The following IKBKB variants were observed in gnomAD, a reference collection of about 807,000 sequenced individuals.
IKBKB encodes the protein inhibitor of nuclear factor kappa B kinase subunit beta.
IKBKB carries 42 observed loss-of-function variants against 113.6 expected under a neutral mutation model. That is an observed-to-expected ratio of 0.37 (90% CI 0.29 to 0.48). IKBKB has a LOEUF of 0.48. Ranked by LOEUF, IKBKB falls within the 20% of genes least tolerant of loss-of-function variation. The probability of loss-of-function intolerance (pLI) is 0.99; values close to 1 mark genes in which losing one functional copy is unlikely to be tolerated. For synonymous variants in IKBKB, 296 were observed against 361.3 expected, an observed-to-expected ratio of 0.82 and a Z score of 2.05; for missense variants, 673 against 939.7, an observed-to-expected ratio of 0.72 and a Z score of 3.71.
intron 2 of IKBKB, among the ~76,000 whole-genome samples, chr8:42,282,986 AAGTT>A (rs1212196266): frequency 6.6e-6 from 1 of 152,194 alleles, no homozygotes; most frequent in Admixed American, 6.5e-5. Flanking sequence ...TGTGAGTAGA[AAGTT>A]AGTTTTGGTA....
chr8:42,319,679 C>G, intron 15 of IKBKB, 33 bp downstream of exon 15: 1 of 1,534,970 alleles, frequency 6.5e-7, no homozygotes, highest in Non-Finnish European at 8.8e-7. Context: ...CGGAACTTAC[C>G]AAGGGGGTGA....
At chr8:42,318,796 C>A in intron 13 of IKBKB, 121 bp downstream of exon 13, 2 of 985,342 alleles carry the variant, frequency 2.0e-6, no homozygotes, top group Non-Finnish European at 2.9e-6. Context: ...AAAAGGAAGA[C>A]ACTGGTTTGG....
intron 8 of IKBKB, among the ~76,000 whole-genome samples, chr8:42,310,798 G>T (rs1473618896): frequency 6.6e-6 from 1 of 152,132 alleles, no homozygotes; most frequent in Non-Finnish European, 1.5e-5. Flanking sequence ...ACAAAAATAG[G>T]TTACTATAAT....
At chr8:42,318,965 T>C (rs13279412) in intron 13 of IKBKB, 3 of 531,698 alleles carry the variant, frequency 5.6e-6, no homozygotes, top group African/African-American at 1.9e-5. Context: ...CCATGTGGAT[T>C]AGCAAAACTC....
intron 21 of IKBKB, 190 bp from the exon 22 acceptor site, chr8:42,330,724 G>C (rs553873619): frequency 2.9e-6 from 2 of 685,432 alleles, no homozygotes; most frequent in Non-Finnish European, 3.6e-6. Flanking sequence ...TGGCCAGGCT[G>C]GTCTCGAACT....
intron 12 of IKBKB, 21 bp downstream of exon 12, chr8:42,317,792 G>T: frequency 3.3e-6 from 5 of 1,525,818 alleles, no homozygotes; most frequent in Non-Finnish European, 4.5e-6. Context: ...GTTATGTTTT[G>T]TTTTTCTAAA....
At position 42,316,515 on chromosome 8, in the gene IKBKB, T is replaced by G. The variant is rs774915046; in HGVS notation, c.930+176T>G. 1.3e-5 allele frequency among the ~76,000 whole-genome samples: 2 copies of G among 152,234 alleles called. No homozygotes were observed. The highest frequency in any genetic ancestry group is 2.9e-5 in the Non-Finnish European group (2 of 68,040). Reference sequence around the variant, plus strand: ...CAGTTGTGCTAATTGACATTGGCTATGAGGTCATAGCCACAGACAGGATTA... The same window carrying G: ...CAGTTGTGCTAATTGACATTGGCTAGGAGGTCATAGCCACAGACAGGATTA... On this transcript the variant is annotated intron_variant, in intron 10 of 21. Transcript: ENST00000520810. The surrounding 1 kb of genome is among the most constrained non-coding windows in gnomAD (Gnocchi z 4.5).
At chr8:42,294,574 A>G (rs1813326147) in intron 5 of IKBKB, among the ~76,000 whole-genome samples, 1 of 152,192 alleles carries the variant, frequency 6.6e-6, no homozygotes, top group Admixed American at 6.5e-5. Flanking sequence ...GGAAGGGGAA[A>G]AGTCAAGCAA....
intron 12 of IKBKB, 57 bp downstream of exon 12, chr8:42,317,828 G>A (rs1563355805): frequency 1.6e-6 from 2 of 1,266,756 alleles, no homozygotes; most frequent in Non-Finnish European, 2.3e-6. Flanking sequence ...TGTGGGACAA[G>A]GCAGGGAAGG....
chr8:42,322,256 T>C, intron 18 of IKBKB, 91 bp from the exon 19 acceptor site: 1 of 1,579,262 alleles, frequency 6.3e-7, no homozygotes, highest in South Asian at 1.1e-5. Context: ...ATGAAGAGAG[T>C]TTCTGCAGCT....
chr8:42,322,353 T>C lies in IKBKB; in HGVS notation c.1845T>C (p.Thr615=). The C allele has an allele frequency of 6.2e-7, 1 of 1,613,614 alleles. No homozygotes were observed. Among genetic ancestry groups the C allele is most frequent in the Non-Finnish European group, 8.5e-7 (1 of 1,179,924 alleles). The change falls in exon 19 of 22, where the codon ACT becomes ACC. Residue 615 remains threonine (T), a synonymous_variant. Transcript: ENST00000520810. ...CCATGTTTATTCTTTGCAGTAAAACTGTGGTTTGCAAGCAGAAGGCGCTGG... is the reference window on the plus strand; with the variant it reads ...CCATGTTTATTCTTTGCAGTAAAACCGTGGTTTGCAAGCAGAAGGCGCTGG... ...VRVIYTQLSK[T]VVCKQKALEL...
Position 42,272,160 on chromosome 8 carries a change from C to T in IKBKB, c.60C>T (p.Arg20=), listed in dbSNP as rs771305431. 3.7e-6 allele frequency: 6 copies of T among 1,614,046 alleles called. No individual in the cohort carries two copies. The highest frequency in any genetic ancestry group is 4.2e-6 in the Non-Finnish European group (5 of 1,180,040). Residue 20 remains arginine, a synonymous_variant, in exon 2 of 22, where the codon CGC becomes CGT. Coordinates refer to ENST00000520810, the MANE Select transcript of IKBKB (RefSeq NM_001556.3). ...GTGGGGCCTGGGAAATGAAAGAGCG[C>T]CTTGGGACAGGGGGATTTGGAAATG... ...QTCGAWEMKE[R]LGTGGFGNVI... is the part of the protein sequence containing the mutation.
intron 2 of IKBKB, among the ~76,000 whole-genome samples, chr8:42,277,289 T>C (rs550995634): frequency 6.6e-6 from 1 of 151,702 alleles, no homozygotes; most frequent in African/African-American, 2.4e-5. Flanking sequence ...TTCAAGCGAT[T>C]CTCCTGTCTC....
At chr8:42,272,062 C>T (rs759644416) in intron 1 of IKBKB, 21 bp from the exon 2 acceptor site, 4 of 1,591,486 alleles carry the variant, frequency 2.5e-6, no homozygotes, top group Admixed American at 3.6e-5. Flanking sequence ...ACCTTTTTTC[C>T]CCATCCCAAA....
chr8:42,317,133 T>A, intron 11 of IKBKB: 1 of 582,496 alleles, frequency 1.7e-6, no homozygotes, highest in Non-Finnish European at 3.1e-6. Flanking sequence ...GACCGGTCTC[T>A]TGCCTTTATT....
At chr8:42,276,860 ATTTTT>A (rs764463407) in intron 2 of IKBKB, among the ~76,000 whole-genome samples, 1 of 101,582 alleles carries the variant, frequency 9.8e-6, no homozygotes, top group Non-Finnish European at 2.0e-5. Context: ...CACCCGGCTA[ATTTTT>A]TTTTTTTTTT....
chr8:42,323,218 ACACT>A (rs1563366093), intron 19 of IKBKB, among the ~76,000 whole-genome samples: 1 of 152,246 alleles, frequency 6.6e-6, no homozygotes, highest in Non-Finnish European at 1.5e-5. Flanking sequence ...AAGTACGGTC[ACACT>A]CACAGGCTCC....
chr8:42,282,293 C>T (rs1810529877), intron 2 of IKBKB, among the ~76,000 whole-genome samples: 1 of 152,180 alleles, frequency 6.6e-6, no homozygotes, highest in Non-Finnish European at 1.5e-5. Flanking sequence ...GCCTTGACTT[C>T]CGAGGGTCAG....
At chr8:42,274,322 G>A (rs897416073) in intron 2 of IKBKB, among the ~76,000 whole-genome samples, 16 of 152,044 alleles carry the variant, frequency 1.1e-4, no homozygotes, top group African/African-American at 3.1e-4. Context: ...GAGCCACTAC[G>A]TCCGGCCTGA....
Sources: gnomAD v4.1 joint callset for allele counts (sites outside exome capture counted in the v4.1 genomes callset) on GRCh38, gnomAD v4.1.1 for gene constraint, Gnocchi (gnomAD v3.1) non-coding constraint, MANE v1.5 for transcripts, NCBI Gene and HGNC (gene_info 2026-07-23, HGNC 2026-07-21) for gene names.